GPHN: variants seen among roughly 807,000 people sequenced by gnomAD.
GPHN encodes gephyrin.
In GPHN, 17 loss-of-function variants were observed where a neutral mutation model predicts 95.5. The ratio of observed to expected loss-of-function variants is 0.18; its 90% CI spans 0.12 to 0.27. GPHN has a LOEUF of 0.27. Ranked by LOEUF, GPHN falls within the 10% of genes least tolerant of loss-of-function variation. The pLI is 1.00. For synonymous variants in GPHN, 320 were observed against 322.5 expected (o/e 0.99, Z 0.08); for missense variants, 660 against 978.1 (o/e 0.67, Z 4.34).
the GPHN span, among the ~76,000 whole-genome samples, chr14:67,543,465 G>C: frequency 6.6e-6 from 1 of 152,252 alleles, no homozygotes; most frequent in African/African-American, 2.4e-5. Flanking sequence ...ACCTTAGACA[G>C]TGATTCTCAA....
chr14:67,490,779 C>T, the GPHN span, among the ~76,000 whole-genome samples: 1 of 152,086 alleles, frequency 6.6e-6, no homozygotes, highest in Non-Finnish European at 1.5e-5. Context: ...TTTTTTTACC[C>T]CCACTCTCCT....
the GPHN span, among the ~76,000 whole-genome samples, chr14:67,682,942 C>T: frequency 6.6e-6 from 1 of 152,186 alleles, no homozygotes; most frequent in African/African-American, 2.4e-5. Flanking sequence ...ATGGATGACC[C>T]TTGATAACAT....
intron 9 of GPHN, among the ~76,000 whole-genome samples, chr14:67,019,796 G>A (rs1260794929): frequency 6.6e-6 from 1 of 152,124 alleles, no homozygotes; most frequent in East Asian, 1.9e-4. Context: ...CAAGCTGGGG[G>A]CTCGTAGCTA....
the GPHN span, chr14:67,352,865 C>T: frequency 8.8e-7 from 1 of 1,134,860 alleles, no homozygotes; most frequent in Non-Finnish European, 1.3e-6. Context: ...AAAAAAATGC[C>T]AAGGGCCATG....
chr14:67,732,536 C>CAA, the GPHN span, among the ~76,000 whole-genome samples: 5,227 of 130,020 alleles, frequency 0.04, 188 homozygotes, highest in East Asian at 0.12. Context: ...CCAAACAAAG[C>CAA]AAAAAAAAAA....
rs756139768 is a variant in GPHN, at chr14:66,508,654, C to T, written c.64+63C>T. ...TGTCCCTGCATTGCCTTAGGCTTTTCGCCTGTGGTGGCCCTTCTCTGCGGC... is the reference window on the plus strand; with the variant it reads ...TGTCCCTGCATTGCCTTAGGCTTTTTGCCTGTGGTGGCCCTTCTCTGCGGC... On this transcript the variant is annotated intron_variant, in intron 1 of 22. Coordinates refer to ENST00000478722, the MANE Select transcript of GPHN (RefSeq NM_020806.5). 66 of 1,394,340 alleles carry T rather than the reference C, an allele frequency of 4.7e-5. No homozygotes were observed. The Middle Eastern group carries it at 8.8e-4, about 19-fold the overall frequency. The allele number at this position is 1,394,340 out of a possible 1,614,324, so 86.4% of individuals were successfully genotyped here.
chr14:67,558,323 G>T, the GPHN span, among the ~76,000 whole-genome samples: 1 of 152,096 alleles, frequency 6.6e-6, no homozygotes, highest in Non-Finnish European at 1.5e-5. Flanking sequence ...GCCGATCCTG[G>T]TGGTGCCTTC....
At chr14:66,538,404 T>G (rs1356289386) in intron 1 of GPHN, among the ~76,000 whole-genome samples, 1 of 151,970 alleles carries the variant, frequency 6.6e-6, no homozygotes, top group African/African-American at 2.4e-5. Flanking sequence ...CTCTCTCCTC[T>G]AAACTGTGTT....
At chr14:66,834,466 A>AG (rs201230099) in intron 4 of GPHN, among the ~76,000 whole-genome samples, 2,373 of 152,192 alleles carry the variant, frequency 0.016, 32 homozygotes, top group Non-Finnish European at 0.018. Flanking sequence ...TTAATATGAA[A>AG]GTTGTTGAAT....
At chr14:67,190,172 C>T in the GPHN span, among the ~76,000 whole-genome samples, 1 of 150,582 alleles carries the variant, frequency 6.6e-6, no homozygotes, top group African/African-American at 2.4e-5. Flanking sequence ...GCCTCAGCCT[C>T]CCAAAATGCT....
At chr14:67,453,207 C>T in the GPHN span, among the ~76,000 whole-genome samples, 9 of 149,076 alleles carry the variant, frequency 6.0e-5, no homozygotes, top group Non-Finnish European at 1.3e-4. Flanking sequence ...CTCCAATTAT[C>T]CCCCGGGGGG....
chr14:67,657,092 T>A, the GPHN span: 2 of 152,372 alleles, frequency 1.3e-5, no homozygotes, highest in African/African-American at 2.4e-5. Context: ...AGCTATTCTG[T>A]TCTTCGTTTT....
intron 17 of GPHN, among the ~76,000 whole-genome samples, chr14:67,126,507 G>T (rs560658304): frequency 6.6e-6 from 1 of 152,190 alleles, no homozygotes; most frequent in Non-Finnish European, 1.5e-5. Context: ...ACAAAGTAGA[G>T]AAGTAGAAAC....
intron 17 of GPHN, among the ~76,000 whole-genome samples, chr14:67,141,804 T>A (rs747517303): frequency 6.6e-5 from 10 of 152,310 alleles, no homozygotes; most frequent in Non-Finnish European, 1.2e-4. Context: ...GGATAAAAAT[T>A]GAAATTATAT....
the GPHN span, among the ~76,000 whole-genome samples, chr14:67,606,005 A>G: frequency 7.4e-3 from 1,131 of 152,240 alleles, 14 homozygotes; most frequent in African/African-American, 0.026. Flanking sequence ...TATATTTTGT[A>G]TACTTTTTCT....
chr14:66,951,185 C>G (rs1229811291), intron 8 of GPHN, among the ~76,000 whole-genome samples: 1 of 152,008 alleles, frequency 6.6e-6, no homozygotes. Context: ...CTCGGCCTCC[C>G]AAAGTACAGT....
chr14:67,648,742 T>C, the GPHN span: 19,464 of 152,280 alleles, frequency 0.13, 1,303 homozygotes, highest in East Asian at 0.22. Flanking sequence ...TTATCAAGAC[T>C]GGCTACTTTT....
At chr14:67,446,213 T>C in the GPHN span, 1 of 362,544 alleles carries the variant, frequency 2.8e-6, no homozygotes, top group Non-Finnish European at 5.4e-6. Flanking sequence ...TTCAGTTTTC[T>C]CATCTGTAAA....
At position 66,758,540 on chromosome 14, in the gene GPHN, G is replaced by A. The variant is rs537918860; in HGVS notation, c.144-17924G>A. 3.2e-3 allele frequency among the ~76,000 whole-genome samples: 486 copies of A among 152,238 alleles called. 4 individuals carry two copies. The highest frequency in any genetic ancestry group is 0.01 in the African/African-American group (421 of 41,544). On this transcript the variant is annotated intron_variant, in intron 2 of 22. Transcript: ENST00000478722. ...CCATTTTGAGTTTGATGGCCTGAAG[G>A]CGAGAAGAGAGAAACTGGGTTATTA...
Sources: allele counts gnomAD v4.1 joint callset (sites outside exome capture counted in the v4.1 genomes callset), GRCh38; gene constraint gnomAD v4.1.1; transcripts MANE v1.5; gene names NCBI Gene and HGNC (gene_info 2026-07-23, HGNC 2026-07-21).